The following CCDC85C variants were observed in gnomAD, a reference collection of about 807,000 sequenced individuals.
CCDC85C encodes the protein coiled-coil domain containing 85C.
Under a neutral mutation model 38.3 loss-of-function variants are expected in CCDC85C, and 18 were observed. That is an observed-to-expected ratio of 0.47 (90% CI 0.33 to 0.70). CCDC85C has a LOEUF of 0.70. Ranked by LOEUF, CCDC85C falls within the 30% of genes least tolerant of loss-of-function variation. The pLI is 0.03. For missense variants in CCDC85C, 566 were observed against 621.2 expected (o/e 0.91, Z 0.94); for synonymous variants, 264 against 293.8 (o/e 0.90, Z 1.04).
At chr14:99,600,681 T>C (rs1259436162) in intron 1 of CCDC85C, among the ~76,000 whole-genome samples, 1 of 148,608 alleles carries the variant, frequency 6.7e-6, no homozygotes, top group Non-Finnish European at 1.5e-5. Flanking sequence ...CTCCACTTGC[T>C]TGTCTGTCAA....
chr14:99,527,922 G>A (rs1367105612), intron 2 of CCDC85C, among the ~76,000 whole-genome samples: 1 of 152,320 alleles, frequency 6.6e-6, no homozygotes, highest in Non-Finnish European at 1.5e-5. Context: ...TGGGCAAGGT[G>A]CGTGAGAAGG....
At chr14:99,567,124 G>A (rs2139956886) in intron 1 of CCDC85C, among the ~76,000 whole-genome samples, 1 of 128,684 alleles carries the variant, frequency 7.8e-6, no homozygotes, top group Non-Finnish European at 1.6e-5. Flanking sequence ...TTCCTCATGT[G>A]TGAGATGGGA....
Position 99,500,623 on chromosome 14 carries a change from C to T in CCDC85C, c.*14623G>A. On this transcript the variant is annotated 3_prime_UTR_variant, in exon 6 of 6. Transcript: ENST00000380243. Reference sequence around the variant, plus strand: ...CAGTGTCTCTGAGCATGTTAAAAGTCTGAGTGGGAGAGAAAGGAAGGAAAG... The same window carrying T: ...CAGTGTCTCTGAGCATGTTAAAAGTTTGAGTGGGAGAGAAAGGAAGGAAAG... 1 of 645,396 alleles carries T rather than the reference C, an allele frequency of 1.5e-6. No individual in the cohort carries two copies. The highest frequency in any genetic ancestry group is 1.9e-5 in the African/African-American group (1 of 53,964). 40.0% of individuals were successfully genotyped at this position (645,396 alleles called of 1,614,324 possible).
In CCDC85C at chr14:99,507,014, T is replaced by C; in HGVS notation, c.*8232A>G. On this transcript the variant is annotated 3_prime_UTR_variant, in exon 6 of 6. Coordinates refer to ENST00000380243, the MANE Select transcript of CCDC85C (RefSeq NM_001144995.2). ...AAATCTCTGCCAGTACATTTTTCTT[T>C]ATGACATGCTTATTCATGTGAAGAA... is the stretch of plus-strand genomic sequence containing the variant. 2 of 991,432 alleles carry C rather than the reference T, an allele frequency of 2.0e-6. No homozygotes were observed. The highest frequency in any genetic ancestry group is 1.6e-5 in the African/African-American group (1 of 63,054). The allele number at this position is 991,432 out of a possible 1,614,324, so 61.4% of individuals were successfully genotyped here.
intron 2 of CCDC85C, among the ~76,000 whole-genome samples, chr14:99,524,210 G>A (rs535851621): frequency 4.3e-4 from 66 of 152,120 alleles, no homozygotes; most frequent in African/African-American, 1.5e-3. Flanking sequence ...CTCTGAATGC[G>A]TGCGTGCACA....
chr14:99,571,817 T>G (rs918112885), intron 1 of CCDC85C, among the ~76,000 whole-genome samples: 3 of 152,334 alleles, frequency 2.0e-5, no homozygotes, highest in African/African-American at 7.2e-5. Flanking sequence ...GACAAGAGCC[T>G]GTCTCCAGTG....
In CCDC85C at chr14:99,545,322, G is replaced by A. The variant is rs1897786096; in HGVS notation, c.794-9234C>T. Reference sequence around the variant, plus strand: ...CCAATGACACTGCAATGTGGAGGGGGCAGCTGAATGGAAAGCCCCGCTCCG... The same window carrying A: ...CCAATGACACTGCAATGTGGAGGGGACAGCTGAATGGAAAGCCCCGCTCCG... On this transcript the variant is annotated intron_variant, in intron 1 of 5. Transcript: ENST00000380243. This position sits in a 1 kb window ranked among gnomAD's most constrained non-coding sequence, Gnocchi z 4.7. Among the ~76,000 whole-genome samples, 1 of 152,158 alleles carries A rather than the reference G, an allele frequency of 6.6e-6. No homozygotes were observed.
intron 3 of CCDC85C, among the ~76,000 whole-genome samples, chr14:99,517,674 C>G (rs946246739): frequency 6.6e-6 from 1 of 152,218 alleles, no homozygotes; most frequent in African/African-American, 2.4e-5. Context: ...TGCCTCCCAG[C>G]TGCCACCTCC....
intron 2 of CCDC85C, among the ~76,000 whole-genome samples, chr14:99,527,775 G>A (rs927012354): frequency 2.6e-5 from 4 of 152,112 alleles, no homozygotes; most frequent in African/African-American, 9.7e-5. Flanking sequence ...GTGGGCATGT[G>A]GGCCCCAGCC....
rs949612583 is a variant in CCDC85C at position 99,576,688 on chromosome 14, G to C, written c.793+26479C>G. 1.3e-5 allele frequency: 2 copies of C among 152,176 alleles called. No homozygotes were observed. The highest frequency in any genetic ancestry group is 2.9e-5 in the Non-Finnish European group (2 of 68,048). 9.4% of individuals were successfully genotyped at this position (152,176 alleles called of 1,614,324 possible). A position where few individuals can be genotyped will look rare whatever the true frequency, so the allele number is the denominator to read the frequency against. ...TTTCCCACCAAACTTGGTAGGATCCGGGCTCCTGACTAGGGCTGCCTGGAT... is the reference window on the plus strand; with the variant it reads ...TTTCCCACCAAACTTGGTAGGATCCCGGCTCCTGACTAGGGCTGCCTGGAT... On this transcript the variant is annotated intron_variant, in intron 1 of 5. Coordinates refer to ENST00000380243, the MANE Select transcript of CCDC85C (RefSeq NM_001144995.2). The surrounding 1 kb of genome is among the most constrained non-coding windows in gnomAD (Gnocchi z 4.8).
At chr14:99,582,597 C>A (rs1407081307) in intron 1 of CCDC85C, among the ~76,000 whole-genome samples, 2 of 152,030 alleles carry the variant, frequency 1.3e-5, no homozygotes, top group Non-Finnish European at 2.9e-5. Flanking sequence ...AGGTGGATCA[C>A]CTGAGGTCAG....
intron 1 of CCDC85C, chr14:99,573,090 G>A (rs1898390581): frequency 3.1e-6 from 1 of 317,768 alleles, no homozygotes. Context: ...CTGTTTCCGG[G>A]GCGCTCAGAC....
intron 1 of CCDC85C, among the ~76,000 whole-genome samples, chr14:99,587,524 A>G (rs533813579): frequency 1.3e-5 from 2 of 152,192 alleles, no homozygotes; most frequent in Non-Finnish European, 2.9e-5. Context: ...CTCACAGGGA[A>G]CAAAGACCTT....
At chr14:99,522,010 G>A (rs1412790072) in intron 3 of CCDC85C, 123 bp downstream of exon 3, 4 of 712,204 alleles carry the variant, frequency 5.6e-6, no homozygotes, top group Non-Finnish European at 9.5e-6. Context: ...ACGGACACAG[G>A]GCCTAGGGCT....
rs2055064195 is a variant in CCDC85C at position 99,589,595 on chromosome 14, C to T, written c.793+13572G>A. Among the ~76,000 whole-genome samples the T allele has an allele frequency of 1.3e-5, 2 of 152,182 alleles. 1 individual carries two copies. Among genetic ancestry groups the T allele is most frequent in the South Asian group, 4.1e-4 (2 of 4,832 alleles). ...TCTGATTAGAGCTGCGGTCCCTATTCCAGGAAAAATGCAGGACTGCACAGT... is the reference window on the plus strand; with the variant it reads ...TCTGATTAGAGCTGCGGTCCCTATTTCAGGAAAAATGCAGGACTGCACAGT... On this transcript the variant is annotated intron_variant, in intron 1 of 5. Transcript: ENST00000380243.
chr14:99,567,653 C>T (rs532046155), intron 1 of CCDC85C, among the ~76,000 whole-genome samples: 2 of 152,196 alleles, frequency 1.3e-5, no homozygotes, highest in South Asian at 2.1e-4. Context: ...GGTGAAACCC[C>T]GTTTCCACTA....
At position 99,509,123 on chromosome 14, in the gene CCDC85C, C is replaced by A. The variant is rs1321104327; in HGVS notation, c.*6123G>T. Reference sequence around the variant, plus strand: ...GGTTGTGTGCCAATGGCCACGTCTACCCAACCAGGATGTCGTGCTGTGCCT... The same window carrying A: ...GGTTGTGTGCCAATGGCCACGTCTAACCAACCAGGATGTCGTGCTGTGCCT... On this transcript the variant is annotated 3_prime_UTR_variant, in exon 6 of 6. Transcript: ENST00000380243. 2 of 152,266 alleles carry A rather than the reference C, an allele frequency of 1.3e-5. No homozygotes were observed. The highest frequency in any genetic ancestry group is 4.8e-5 in the African/African-American group (2 of 41,462). The allele number at this position is 152,266 out of a possible 1,614,324, so 9.4% of individuals were successfully genotyped here. A position where few individuals can be genotyped will look rare whatever the true frequency, so the allele number is the denominator to read the frequency against.
At chr14:99,567,739 C>A (rs1233977373) in intron 1 of CCDC85C, among the ~76,000 whole-genome samples, 2 of 152,136 alleles carry the variant, frequency 1.3e-5, no homozygotes, top group Non-Finnish European at 2.9e-5. Flanking sequence ...GCAGGAGAAT[C>A]GCTTGAACTT....
intron 2 of CCDC85C, chr14:99,534,718 G>A (rs1231780126): frequency 2.8e-6 from 2 of 702,308 alleles, no homozygotes; most frequent in Non-Finnish European, 5.2e-6. Flanking sequence ...TGCAATGGAA[G>A]GCTGGCGTCT....
Sources: gnomAD v4.1 joint callset for allele counts (sites outside exome capture counted in the v4.1 genomes callset) on GRCh38, gnomAD v4.1.1 for gene constraint, Gnocchi (gnomAD v3.1) non-coding constraint, MANE v1.5 for transcripts, NCBI Gene and HGNC (gene_info 2026-07-23, HGNC 2026-07-21) for gene names.